The following RBM5 variants were observed in gnomAD, a reference collection of about 807,000 sequenced individuals.
RBM5 encodes the protein RNA binding motif protein 5, also known as RNA-binding protein 5.
In RBM5, 15 loss-of-function variants were observed where a neutral mutation model predicts 124.6. That is an observed-to-expected ratio of 0.12 (90% CI 0.08 to 0.19). RBM5 has a LOEUF of 0.19. Among genes scored for constraint, RBM5 ranks in the 10% least tolerant of loss-of-function variants. The pLI, the probability that RBM5 is intolerant of heterozygous loss-of-function variation, is 1.00. For missense variants in RBM5, 580 were observed against 1,026.5 expected (o/e 0.57, Z 5.94); for synonymous variants, 337 against 361.2 (o/e 0.93, Z 0.76).
intron 15 of RBM5, chr3:50,109,904 G>C: frequency 2.2e-6 from 1 of 453,136 alleles, no homozygotes; most frequent in Non-Finnish European, 3.9e-6. Flanking sequence ...CTTTATGCAT[G>C]CTTGACCTTT....
intron 21 of RBM5, 60 bp downstream of exon 21, chr3:50,115,667 G>A (rs2091234259): frequency 6.5e-7 from 1 of 1,540,630 alleles, no homozygotes; most frequent in Non-Finnish European, 8.8e-7. Flanking sequence ...CAATTTGAGT[G>A]CCCTAACAGT....
chr3:50,100,134 G>C lies in RBM5; in HGVS notation c.409+83G>C. The C allele has an allele frequency of 8.2e-7, 1 of 1,221,490 alleles. No homozygotes were observed. Among genetic ancestry groups the C allele is most frequent in the South Asian group, 1.4e-5 (1 of 73,178 alleles). 75.7% of individuals were successfully genotyped at this position (1,221,490 alleles called of 1,614,324 possible). A position where few individuals can be genotyped will look rare whatever the true frequency, so the allele number is the denominator to read the frequency against. On this transcript the variant is annotated intron_variant, in intron 5 of 24. Transcript: ENST00000347869. This position sits in a 1 kb window ranked among gnomAD's most constrained non-coding sequence, Gnocchi z 5.1. ...CCTAAAGAACATCCTGATTCCCCCA[G>C]TCTTCAAGCACATGAATTCAGAATG...
In RBM5 at chr3:50,106,798, G is replaced by C; in HGVS notation, c.887G>C (p.Ser296Thr). 1 of 1,612,860 alleles carries C rather than the reference G, an allele frequency of 6.2e-7. No individual in the cohort carries two copies. Among genetic ancestry groups the C allele is most frequent in the South Asian group, 1.1e-5 (1 of 91,054 alleles). Residue 296 changes from serine (S) to threonine (T), a missense_variant, in exon 11 of 25, where the codon AGT (serine) becomes ACT (threonine). Physicochemically the swap from Ser to Thr is moderately conservative, Grantham distance 58. Transcript: ENST00000347869. ...TCTCAGCTGCTTCAGATATTACAGA[G>C]TCTCCATCCTCCTTTGAAAATTGAT... The part of the protein sequence containing the change: ...DASQLLQILQ[S>T]LHPPLKIDGK...
chr3:50,114,223 G>A lies in RBM5; in HGVS notation c.1811G>A (p.Arg604Gln), dbSNP rs773120674. ...ERQQLIPELVRNGDEENPLKR... is the reference protein window; with the variant it reads ...ERQQLIPELVQNGDEENPLKR... ...CAGCAGCTCATCCCAGAATTGGTGC[G>A]AAATGGAGATGAGGAGAATCCCCTC... is the stretch of plus-strand genomic sequence containing the variant. Residue 604 changes from arginine (R) to glutamine (Q), a missense_variant, in exon 20 of 25, where the codon CGA (arginine) becomes CAA (glutamine). This residue lies in a region of RBM5 where 234 missense variants were observed against 435.1 expected (regional missense o/e 0.54). Coordinates refer to ENST00000347869, the MANE Select transcript of RBM5 (RefSeq NM_005778.4). 12 of 1,611,526 alleles carry A rather than the reference G, an allele frequency of 7.4e-6. No individual in the cohort carries two copies. The Admixed American group carries it at 1.2e-4, about 16-fold the overall frequency.
intron 4 of RBM5, chr3:50,094,122 A>C: frequency 9.2e-6 from 3 of 327,034 alleles, no homozygotes; most frequent in South Asian, 8.0e-5. Flanking sequence ...TGTCTTATAC[A>C]TGCCAAAGGT....
rs548361142 is a variant in RBM5, at chr3:50,116,631, A to G, written c.2095-443A>G. On this transcript the variant is annotated intron_variant, in intron 22 of 24. Transcript: ENST00000347869. ...CTCCCCACACCCTTCCTGCCCTACTATCTATGGTTCCACCTCCCCAGCGAC... is the reference window on the plus strand; with the variant it reads ...CTCCCCACACCCTTCCTGCCCTACTGTCTATGGTTCCACCTCCCCAGCGAC... The G allele has an allele frequency of 8.6e-4, 187 of 217,506 alleles. 1 individual carries two copies. The South Asian group carries it at 0.011, about 13-fold the overall frequency. The allele number at this position is 217,506 out of a possible 1,614,324, so 13.5% of individuals were successfully genotyped here.
intron 4 of RBM5, among the ~76,000 whole-genome samples, chr3:50,098,908 A>C (rs941166743): frequency 6.6e-6 from 1 of 152,140 alleles, no homozygotes; most frequent in Admixed American, 6.6e-5. Flanking sequence ...AGATTAGACT[A>C]AAGGATGGAG....
intron 20 of RBM5, 38 bp from the exon 21 acceptor site, chr3:50,115,390 T>C: frequency 6.3e-7 from 1 of 1,598,490 alleles, no homozygotes; most frequent in African/African-American, 1.4e-5. Context: ...ATCTTCCTAT[T>C]GTACATTTCC....
intron 14 of RBM5, 26 bp downstream of exon 14, chr3:50,108,330 C>G (rs771829270): frequency 1.3e-6 from 2 of 1,573,276 alleles, no homozygotes; most frequent in Non-Finnish European, 8.7e-7. Flanking sequence ...TCCCTTTTAC[C>G]TTTTGTTTAA....
intron 3 of RBM5, among the ~76,000 whole-genome samples, chr3:50,093,294 C>G (rs1035535037): frequency 6.6e-6 from 1 of 151,312 alleles, no homozygotes; most frequent in Non-Finnish European, 1.5e-5. Context: ...AAAAAATTAG[C>G]TGGGCGTGGT....
chr3:50,111,874 C>T (rs1273541537), intron 17 of RBM5, among the ~76,000 whole-genome samples: 3 of 151,854 alleles, frequency 2.0e-5, no homozygotes, highest in South Asian at 2.1e-4. Flanking sequence ...TATTTATGAC[C>T]GGGAGCTGTA....
In RBM5 at chr3:50,117,395, A is replaced by C. The variant is rs1354566857; in HGVS notation, c.2322+16A>C. ...TCCCATTGAGGTAAGCAGTGGGGTC[A>C]GGTCTTGATGTTTGCCAGGCTTACA... On this transcript the variant is annotated intron_variant, in intron 24 of 24. Transcript: ENST00000347869. This position sits in a 1 kb window ranked among gnomAD's most constrained non-coding sequence, Gnocchi z 4.2. 13 of 1,613,126 alleles carry C rather than the reference A, an allele frequency of 8.1e-6. No individual in the cohort carries two copies. The highest frequency in any genetic ancestry group is 1.1e-5 in the Non-Finnish European group (13 of 1,179,912).
At chr3:50,105,755 AG>A in intron 10 of RBM5, 46 bp downstream of exon 10, 2 of 1,597,256 alleles carry the variant, frequency 1.3e-6, no homozygotes, top group Non-Finnish European at 1.7e-6. Flanking sequence ...AACAGCTTTA[AG>A]AGGCAAATGT....
intron 11 of RBM5, 80 bp downstream of exon 11, chr3:50,106,944 G>A: frequency 8.3e-7 from 1 of 1,205,826 alleles, no homozygotes; most frequent in South Asian, 1.2e-5. Flanking sequence ...CCAAGCCTGT[G>A]CCCCAAGTAT....
At chr3:50,116,110 T>TAATTTGAGTGCCCTAACAGTCCTGAC in intron 22 of RBM5, 130 bp downstream of exon 22, 1 of 824,114 alleles carries the variant, frequency 1.2e-6, no homozygotes. Context: ...ATCTGACCAT[T>TAATTTGAGTGCCCTAACAGTCCTGAC]GTAGTTCATG....
chr3:50,118,382 G>A lies in RBM5; in HGVS notation c.2374G>A (p.Gly792Ser), dbSNP rs759456866. 1.7e-5 allele frequency: 28 copies of A among 1,614,010 alleles called. No homozygotes were observed. In the South Asian group the frequency reaches 3.0e-4, roughly 17 times the overall value. The change falls in exon 25 of 25, where the codon GGT becomes AGT. Residue 792 changes from glycine (G) to serine (S), a missense_variant. By Grantham distance (56) the Gly-to-Ser change is moderately conservative (BLOSUM62 0). Transcript: ENST00000347869. ...CCTAGGAGCCAAAGGCAGCGCATAT[G>A]GTTTGTCGGGCGCCGATTCCTACAA... is the stretch of plus-strand genomic sequence containing the variant. ...AGLGAKGSAYGLSGADSYKDA... is the reference protein window; with the variant it reads ...AGLGAKGSAYSLSGADSYKDA...
chr3:50,115,372 C>A, intron 20 of RBM5, 56 bp from the exon 21 acceptor site: 1 of 1,575,718 alleles, frequency 6.3e-7, no homozygotes, highest in Non-Finnish European at 8.6e-7. Context: ...AGGTACATAG[C>A]CACCGCCATC....
intron 8 of RBM5, 77 bp from the exon 9 acceptor site, chr3:50,105,000 T>C: frequency 1.8e-6 from 2 of 1,134,352 alleles, no homozygotes; most frequent in South Asian, 2.7e-5. Context: ...AAATAAAAAC[T>C]TGTGGGGATT....
At chr3:50,096,683 G>C (rs111667901) in intron 4 of RBM5, among the ~76,000 whole-genome samples, 1 of 14 alleles carries the variant, frequency 0.071, no homozygotes, top group African/African-American at 0.5. Flanking sequence ...TCCAACTTTT[G>C]GGGCTCAGGC....
Sources: gnomAD v4.1 joint callset for allele counts (sites outside exome capture counted in the v4.1 genomes callset) on GRCh38, gnomAD v4.1.1 for gene constraint, gnomAD v4.1.1 regional missense constraint, Gnocchi (gnomAD v3.1) non-coding constraint, MANE v1.5 for transcripts, NCBI Gene and HGNC (gene_info 2026-07-23, HGNC 2026-07-21) for gene names.